MMP16: variants seen among roughly 807,000 people sequenced by gnomAD.
MMP16 encodes the protein matrix metalloproteinase-16.
MMP16 carries 12 observed loss-of-function variants against 67.8 expected under a neutral mutation model. The observed-to-expected ratio is 0.18, with a 90% CI of 0.11 to 0.29. MMP16 has a LOEUF of 0.29. Among genes scored for constraint, MMP16 ranks in the 10% least tolerant of loss-of-function variants. MMP16 has a pLI of 1.00. For missense variants in MMP16, 475 were observed against 765.7 expected (o/e 0.62, Z 4.48); for synonymous variants, 249 against 255.9 (o/e 0.97, Z 0.26).
chr8:88,174,817 C>T (rs1808860162), intron 3 of MMP16, among the ~76,000 whole-genome samples: 1 of 151,048 alleles, frequency 6.6e-6, no homozygotes. Context: ...TGCAGTGGCA[C>T]AATCTCGGCT....
chr8:88,067,354 G>A (rs2118255662), intron 7 of MMP16, among the ~76,000 whole-genome samples: 1 of 152,122 alleles, frequency 6.6e-6, no homozygotes, highest in African/African-American at 2.4e-5. Context: ...TATGTCATCA[G>A]TATATTTAAA....
chr8:88,286,482 T>G (rs758053246), intron 1 of MMP16, among the ~76,000 whole-genome samples: 1 of 152,152 alleles, frequency 6.6e-6, no homozygotes, highest in Non-Finnish European at 1.5e-5. Context: ...ATGTTCCAAA[T>G]CAAACTCCTA....
intron 1 of MMP16, among the ~76,000 whole-genome samples, chr8:88,294,192 A>C (rs1563586736): frequency 6.6e-6 from 1 of 151,148 alleles, no homozygotes; most frequent in Non-Finnish European, 1.5e-5. Context: ...CTATATATAC[A>C]CATATATAGA....
At chr8:88,237,667 A>T (rs1809965100) in intron 1 of MMP16, among the ~76,000 whole-genome samples, 1 of 8,774 alleles carries the variant, frequency 1.1e-4, no homozygotes, top group African/African-American at 1.2e-4. Flanking sequence ...GAACAACAAC[A>T]ACAACAACAA....
At chr8:88,317,252 G>T (rs1297411269) in intron 1 of MMP16, among the ~76,000 whole-genome samples, 2 of 152,124 alleles carry the variant, frequency 1.3e-5, no homozygotes, top group Non-Finnish European at 2.9e-5. Context: ...TTCATGAAAG[G>T]AATAGTCAAT....
chr8:88,255,893 C>T (rs546354761), intron 1 of MMP16, among the ~76,000 whole-genome samples: 10 of 152,310 alleles, frequency 6.6e-5, no homozygotes, highest in African/African-American at 2.4e-4. Flanking sequence ...CCAATTTCTG[C>T]AGTCATGGCT....
At chr8:88,222,764 C>T (rs189112195) in intron 1 of MMP16, among the ~76,000 whole-genome samples, 7 of 152,246 alleles carry the variant, frequency 4.6e-5, no homozygotes, top group Non-Finnish European at 7.4e-5. Context: ...CTAGGCAATA[C>T]CATTCAGGAC....
intron 2 of MMP16, among the ~76,000 whole-genome samples, chr8:88,187,518 A>G (rs1809094621): frequency 6.6e-6 from 1 of 152,182 alleles, no homozygotes; most frequent in South Asian, 2.1e-4. Flanking sequence ...TCATAGTACT[A>G]CATGGTTCAG....
intron 1 of MMP16, among the ~76,000 whole-genome samples, chr8:88,210,202 T>C (rs1809492248): frequency 6.6e-6 from 1 of 152,144 alleles, no homozygotes; most frequent in South Asian, 2.1e-4. Flanking sequence ...CTGAATTGAG[T>C]AAGACAAAGA....
At chr8:88,306,894 T>G (rs1003839845) in intron 1 of MMP16, among the ~76,000 whole-genome samples, 1 of 152,090 alleles carries the variant, frequency 6.6e-6, no homozygotes, top group Non-Finnish European at 1.5e-5. Context: ...CTCTTACCAT[T>G]CCTATTCAAC....
chr8:88,272,130 G>A (rs181795348), intron 1 of MMP16, among the ~76,000 whole-genome samples: 4 of 152,244 alleles, frequency 2.6e-5, no homozygotes, highest in South Asian at 4.1e-4. Flanking sequence ...ATGTGCATGC[G>A]AGTGTGTACA....
intron 6 of MMP16, among the ~76,000 whole-genome samples, chr8:88,077,511 A>G (rs1242243849): frequency 2.0e-5 from 3 of 152,132 alleles, no homozygotes; most frequent in Non-Finnish European, 4.4e-5. Flanking sequence ...GTCATTTTAT[A>G]CAATACTTGT....
chr8:88,161,369 T>C (rs1586182879), intron 4 of MMP16, among the ~76,000 whole-genome samples: 4 of 152,326 alleles, frequency 2.6e-5, no homozygotes, highest in East Asian at 1.9e-4. Flanking sequence ...TGGTAGTTTG[T>C]ATTTCTGTGG....
intron 4 of MMP16, among the ~76,000 whole-genome samples, chr8:88,147,542 C>G (rs1449401329): frequency 1.3e-5 from 2 of 152,032 alleles, no homozygotes; most frequent in Non-Finnish European, 2.9e-5. Context: ...AGTGAATGGT[C>G]AACTGCCTCA....
chr8:88,247,141 C>A (rs534365388), intron 1 of MMP16, among the ~76,000 whole-genome samples: 1 of 152,024 alleles, frequency 6.6e-6, no homozygotes, highest in East Asian at 1.9e-4. Flanking sequence ...GGTAGGGGCA[C>A]GGTCAACATT....
At chr8:88,097,009 C>A (rs1442182130) in intron 6 of MMP16, among the ~76,000 whole-genome samples, 1 of 151,834 alleles carries the variant, frequency 6.6e-6, no homozygotes, top group African/African-American at 2.4e-5. Context: ...AGGGCAAAAT[C>A]TGCTTTTCCA....
At chr8:88,130,635 G>A (rs778357611) in intron 4 of MMP16, among the ~76,000 whole-genome samples, 21 of 151,386 alleles carry the variant, frequency 1.4e-4, no homozygotes, top group Non-Finnish European at 2.5e-4. Context: ...CTGGGTTTTC[G>A]CTTAGGAGTT....
chr8:88,172,114 G>A (rs1271937334), intron 3 of MMP16, among the ~76,000 whole-genome samples: 2 of 152,152 alleles, frequency 1.3e-5, no homozygotes. Flanking sequence ...CACCGTGCCC[G>A]GCCATATGAT....
Position 88,056,193 on chromosome 8 carries a change from A to AG in MMP16, c.1307dup (p.His437SerfsTer4). 6.3e-7 allele frequency: 1 copy of AG among 1,599,824 alleles called. No individual in the cohort carries two copies. Among genetic ancestry groups the AG allele is most frequent in the South Asian group, 1.1e-5 (1 of 89,066 alleles). ...ACCAAATGGCTGAATCAATACCATG[A>AG]GGGGGAATTCCACTTCCAAGGGTTA... On this transcript the variant is annotated frameshift_variant, in exon 8 of 10. Coordinates refer to ENST00000286614, the MANE Select transcript of MMP16 (RefSeq NM_005941.5). LOFTEE classifies it high-confidence loss of function.
Sources: allele counts gnomAD v4.1 joint callset (sites outside exome capture counted in the v4.1 genomes callset), GRCh38; gene constraint gnomAD v4.1.1; transcripts MANE v1.5; gene names NCBI Gene and HGNC (gene_info 2026-07-23, HGNC 2026-07-21).